The following SEMA3D variants were observed in gnomAD, a reference collection of about 807,000 sequenced individuals.
SEMA3D encodes semaphorin 3D.
Under a neutral mutation model 100.1 loss-of-function variants are expected in SEMA3D, and 84 were observed. The ratio of observed to expected loss-of-function variants is 0.84; its 90% CI spans 0.70 to 1.01. The LOEUF (loss-of-function observed/expected upper bound fraction) is 1.01, where lower values mean the gene tolerates loss of function less well. SEMA3D is among the 50% of genes least tolerant of loss of function. The pLI is 0.00. For missense variants in SEMA3D, 875 were observed against 934.1 expected, an observed-to-expected ratio of 0.94 and a Z score of 0.82; for synonymous variants, 312 against 320.7, an observed-to-expected ratio of 0.97 and a Z score of 0.29.
At chr7:85,243,915 G>A in the SEMA3D span, among the ~76,000 whole-genome samples, 1 of 152,280 alleles carries the variant, frequency 6.6e-6, no homozygotes, top group South Asian at 2.1e-4. Flanking sequence ...CAACACTAGT[G>A]TTGTTTACTG....
At chr7:85,001,294 T>C (rs1318380897) in intron 18 of SEMA3D, among the ~76,000 whole-genome samples, 3 of 152,186 alleles carry the variant, frequency 2.0e-5, no homozygotes, top group African/African-American at 7.2e-5. Flanking sequence ...GTTTGTTTGT[T>C]TCTCTTATGT....
At chr7:85,028,523 G>A (rs373623914) in intron 12 of SEMA3D, 1 of 327,854 alleles carries the variant, frequency 3.1e-6, no homozygotes, top group Admixed American at 4.7e-5. Flanking sequence ...CTTAGGTGGA[G>A]AGGACTTTCA....
the SEMA3D span, among the ~76,000 whole-genome samples, chr7:85,245,414 G>A: frequency 6.6e-6 from 1 of 152,132 alleles, no homozygotes; most frequent in Non-Finnish European, 1.5e-5. Flanking sequence ...ACAACTATAT[G>A]CCTGTTTTTA....
chr7:85,249,039 A>T, the SEMA3D span, among the ~76,000 whole-genome samples: 1 of 152,208 alleles, frequency 6.6e-6, no homozygotes, highest in Admixed American at 6.5e-5. Flanking sequence ...CCACTCTGAT[A>T]GGGGATGTTG....
chr7:85,157,477 C>A (rs993009573), intron 1 of SEMA3D: 2 of 157,320 alleles, frequency 1.3e-5, no homozygotes, highest in East Asian at 1.9e-4. Flanking sequence ...CTTTTCTTCA[C>A]AGTTTGACCC....
chr7:85,185,601 C>T (rs1393237181), intron 1 of SEMA3D, among the ~76,000 whole-genome samples: 1 of 152,178 alleles, frequency 6.6e-6, no homozygotes, highest in Admixed American at 6.5e-5. Flanking sequence ...CGGACACCAG[C>T]GGCCCCAGCT....
In SEMA3D at chr7:85,157,696, A is replaced by G. The variant is rs992667060; in HGVS notation, c.-172-3957T>C. On this transcript the variant is annotated intron_variant, in intron 1 of 18. Transcript: ENST00000284136. ...AAAGCAAAACAAAACAAGCCAACAA[A>G]GGCTCTGCTGGGCAGAGGTGTAGCT... 4.1e-6 allele frequency: 4 copies of G among 969,140 alleles called. No individual in the cohort carries two copies. The African/African-American group carries it at 7.0e-5, about 17-fold the overall frequency. The allele number at this position is 969,140 out of a possible 1,614,324, so 60.0% of individuals were successfully genotyped here.
chr7:85,013,375 A>T (rs577780486), intron 16 of SEMA3D, among the ~76,000 whole-genome samples: 2 of 151,932 alleles, frequency 1.3e-5, no homozygotes, highest in South Asian at 4.1e-4. Flanking sequence ...GTGGTATAAA[A>T]GACTACCTGT....
the SEMA3D span, among the ~76,000 whole-genome samples, chr7:85,239,412 A>G: frequency 6.6e-6 from 1 of 152,156 alleles, no homozygotes; most frequent in Non-Finnish European, 1.5e-5. Flanking sequence ...GTAGCCTTTA[A>G]CTGATGCTAG....
At chr7:85,046,400 C>CA (rs1319842397) in intron 9 of SEMA3D, among the ~76,000 whole-genome samples, 3 of 151,704 alleles carry the variant, frequency 2.0e-5, no homozygotes, top group African/African-American at 7.3e-5. Flanking sequence ...TTAACCTGAC[C>CA]AAAAAATAGA....
chr7:85,059,471 C>A (rs879736392), intron 8 of SEMA3D, among the ~76,000 whole-genome samples: 32 of 152,254 alleles, frequency 2.1e-4, no homozygotes, highest in Non-Finnish European at 4.3e-4. Flanking sequence ...TATTGTAGCA[C>A]TTGCATATAA....
chr7:85,129,896 A>G (rs1789674930), intron 2 of SEMA3D, among the ~76,000 whole-genome samples: 1 of 152,144 alleles, frequency 6.6e-6, no homozygotes, highest in Non-Finnish European at 1.5e-5. Flanking sequence ...TTTCATATTC[A>G]CATAAATTCT....
chr7:85,029,056 GC>G, intron 12 of SEMA3D: 1 of 515,924 alleles, frequency 1.9e-6, no homozygotes, highest in Non-Finnish European at 3.7e-6. Context: ...TGGAGTCATG[GC>G]TGTCCTCATC....
intron 1 of SEMA3D, among the ~76,000 whole-genome samples, chr7:85,173,810 C>T (rs1026574720): frequency 6.6e-6 from 1 of 152,094 alleles, no homozygotes; most frequent in African/African-American, 2.4e-5. Flanking sequence ...CTGAATCACA[C>T]AACTAAGAGC....
At chr7:85,062,613 G>T (rs1002561599) in intron 8 of SEMA3D, among the ~76,000 whole-genome samples, 1 of 152,142 alleles carries the variant, frequency 6.6e-6, no homozygotes, top group Non-Finnish European at 1.5e-5. Flanking sequence ...ACATTCACAA[G>T]ATTTTAGACT....
intron 5 of SEMA3D, among the ~76,000 whole-genome samples, chr7:85,074,286 T>C (rs1165547548): frequency 6.6e-6 from 1 of 152,194 alleles, no homozygotes; most frequent in Non-Finnish European, 1.5e-5. Flanking sequence ...CAGTCAGGCA[T>C]GGACCTAATG....
the SEMA3D span, among the ~76,000 whole-genome samples, chr7:85,218,699 T>A: frequency 6.6e-6 from 1 of 152,140 alleles, no homozygotes; most frequent in Non-Finnish European, 1.5e-5. Flanking sequence ...ACATACAAAT[T>A]GTAATATTGT....
chr7:85,185,514 C>T (rs1421056965), intron 1 of SEMA3D, among the ~76,000 whole-genome samples: 1 of 152,164 alleles, frequency 6.6e-6, no homozygotes, highest in Admixed American at 6.5e-5. Flanking sequence ...AGAAGCTTGC[C>T]TTTTATTACC....
intron 15 of SEMA3D, among the ~76,000 whole-genome samples, chr7:85,015,881 C>T (rs1032333940): frequency 6.6e-6 from 1 of 151,592 alleles, no homozygotes; most frequent in Non-Finnish European, 1.5e-5. Flanking sequence ...TTTTGAGTAT[C>T]TGTGGTAGTA....
Sources: allele counts gnomAD v4.1 joint callset (sites outside exome capture counted in the v4.1 genomes callset), GRCh38; gene constraint gnomAD v4.1.1; transcripts MANE v1.5; gene names NCBI Gene and HGNC (gene_info 2026-07-23, HGNC 2026-07-21).